KMT2C: variants seen among roughly 807,000 people sequenced by gnomAD.
The protein encoded by KMT2C is histone-lysine N-methyltransferase 2C.
KMT2C carries 88 observed loss-of-function variants against 507.9 expected under a neutral mutation model. That is an observed-to-expected ratio of 0.17 (90% CI 0.15 to 0.21). The LOEUF (loss-of-function observed/expected upper bound fraction) is 0.21. Among genes scored for constraint, KMT2C ranks in the 10% least tolerant of loss-of-function variants. The pLI, the probability that KMT2C is intolerant of heterozygous loss-of-function variation, is 1.00. For missense variants in KMT2C, 4,954 were observed against 5,957.8 expected (o/e 0.83, Z 5.55); for synonymous variants, 2,049 against 2,080.8 (o/e 0.98, Z 0.42).
chr7:152,367,939 A>G, intron 1 of KMT2C: 1 of 957,632 alleles, frequency 1.0e-6, no homozygotes, highest in Non-Finnish European at 1.7e-6. Context: ...GCCAAAGCAG[A>G]CACACTTATA....
chr7:152,226,716 A>G (rs1388790926), intron 18 of KMT2C, among the ~76,000 whole-genome samples: 2 of 152,224 alleles, frequency 1.3e-5, no homozygotes, highest in African/African-American at 4.8e-5. Flanking sequence ...ATTTCCAATA[A>G]AGGGCCAGAG....
intron 30 of KMT2C, 22 bp from the exon 31 acceptor site, chr7:152,194,150 G>T: frequency 1.3e-6 from 2 of 1,564,948 alleles, no homozygotes; most frequent in Non-Finnish European, 1.7e-6. Context: ...AACAATAATA[G>T]TAACAAGATT....
At chr7:152,150,581 T>G (rs1462287100) in intron 51 of KMT2C, among the ~76,000 whole-genome samples, 1 of 152,106 alleles carries the variant, frequency 6.6e-6, no homozygotes, top group Non-Finnish European at 1.5e-5. Flanking sequence ...GCCAATGCCC[T>G]TCAGCCTGTG....
chr7:152,186,883 T>C (rs1216687117), intron 33 of KMT2C, among the ~76,000 whole-genome samples: 2 of 152,048 alleles, frequency 1.3e-5, no homozygotes, highest in Admixed American at 6.5e-5. Context: ...GAAGACAATA[T>C]TGAATTCGTT....
chr7:152,202,861 A>G, intron 26 of KMT2C, 73 bp downstream of exon 26: 1 of 1,195,614 alleles, frequency 8.4e-7, no homozygotes, highest in Non-Finnish European at 1.2e-6. Flanking sequence ...CAACAAACCT[A>G]TGTTTTAAAA....
Position 152,155,926 on chromosome 7 carries a change from T to A in KMT2C, c.11944A>T (p.Asn3982Tyr). The A allele has an allele frequency of 6.3e-7, 1 of 1,596,590 alleles. No homozygotes were observed. Reference sequence around the variant, plus strand: ...AACCTGTACCTTAATTCTTCCTGATTGTTATGAGGTGGTGTTGGGAGGGAG... The same window carrying A: ...AACCTGTACCTTAATTCTTCCTGATAGTTATGAGGTGGTGTTGGGAGGGAG... ...PASLPTPPHNNQEELRIQDHC... is the reference protein window; with the variant it reads ...PASLPTPPHNYQEELRIQDHC... The change falls in exon 46 of 59, where the codon AAT becomes TAT. Residue 3982 changes from asparagine (N) to tyrosine (Y), a missense_variant. Asn to Tyr is a moderately radical substitution (Grantham distance 143, BLOSUM62 -2). Transcript: ENST00000262189.
intron 6 of KMT2C, among the ~76,000 whole-genome samples, chr7:152,307,195 G>GAGGAAGGGAGGAAGGAAGGA (rs2096623117): frequency 1.5e-5 from 1 of 64,882 alleles, no homozygotes; most frequent in South Asian, 6.5e-4. Flanking sequence ...AAAGAAGAGG[G>GAGGAAGGGAGGAAGGAAGGA]AGGAAGGAAG....
chr7:152,212,329 A>C (rs1479573749), intron 23 of KMT2C, among the ~76,000 whole-genome samples: 1 of 152,240 alleles, frequency 6.6e-6, no homozygotes, highest in East Asian at 1.9e-4. Context: ...CAAACCTACA[A>C]CAGGGAAAGA....
rs1421869327 is a variant in KMT2C at position 152,152,866 on chromosome 7, G to A, written c.12365C>T (p.Pro4122Leu). The change falls in exon 49 of 59, where the codon CCA becomes CTA. Residue 4122 changes from proline (P) to leucine (L), a missense_variant. Physicochemically the swap from Pro to Leu is moderately conservative, Grantham distance 98. Around this residue, in one of 29 missense-constraint regions of KMT2C, gnomAD observed 417 missense variants for 461.1 expected, o/e 0.90. Coordinates refer to ENST00000262189, the MANE Select transcript of KMT2C (RefSeq NM_170606.3). ...GTGGCTACTGACCAAACCCATGGAT[G>A]GGACATCTGGAGCACTGCTAACCTC... ...SYEVSSAPDV[P>L]SMGLVSSHRI... is the part of the protein sequence containing the mutation. The A allele has an allele frequency of 1.2e-6, 2 of 1,614,072 alleles. No individual in the cohort carries two copies. The highest frequency in any genetic ancestry group is 2.2e-5 in the East Asian group (1 of 44,900).
chr7:152,167,048 C>A (rs2092762278), intron 42 of KMT2C, 98 bp downstream of exon 42: 6 of 960,106 alleles, frequency 6.2e-6, no homozygotes, highest in Admixed American at 4.7e-5. Flanking sequence ...TAATACTAGT[C>A]AAAAAAAATC....
intron 1 of KMT2C, among the ~76,000 whole-genome samples, chr7:152,398,592 T>C (rs887831395): frequency 6.6e-6 from 1 of 150,798 alleles, no homozygotes; most frequent in South Asian, 2.1e-4. Flanking sequence ...TGTCACCCAG[T>C]GAAACACATG....
intron 31 of KMT2C, among the ~76,000 whole-genome samples, chr7:152,190,434 C>G (rs1167369775): frequency 1.3e-5 from 2 of 152,150 alleles, no homozygotes; most frequent in East Asian, 3.8e-4. Context: ...ATGCTAAGCA[C>G]TGTCTTAAAA....
At chr7:152,216,763 T>A (rs1168050409) in intron 23 of KMT2C, among the ~76,000 whole-genome samples, 1 of 152,174 alleles carries the variant, frequency 6.6e-6, no homozygotes, top group Non-Finnish European at 1.5e-5. Context: ...ACAGGCATAA[T>A]TTCTTACTAA....
At chr7:152,418,462 G>A (rs902617574) in intron 1 of KMT2C, among the ~76,000 whole-genome samples, 2 of 151,902 alleles carry the variant, frequency 1.3e-5, no homozygotes, top group African/African-American at 2.4e-5. Context: ...ACAGAGTCTC[G>A]CTCTGTCGCC....
rs746505360 is a variant in KMT2C, at chr7:152,177,540, G to A, written c.7913C>T (p.Ser2638Phe). 1.9e-6 allele frequency: 3 copies of A among 1,614,224 alleles called. No individual in the cohort carries two copies. Among genetic ancestry groups the A allele is most frequent in the Non-Finnish European group, 1.7e-6 (2 of 1,180,042 alleles). ...CATGACCATAGAAGATGAATGGACA[G>A]AATGACCTTGCTCTTGTTGAGATGG... ...VPPSQQEQGH[S>F]VHSSSMVMRT... The change falls in exon 38 of 59, where the codon TCT becomes TTT. Residue 2638 changes from serine (S) to phenylalanine (F), a missense_variant. This residue lies in a region of KMT2C where 1,689 missense variants were observed against 1,654.3 expected (regional missense o/e 1.02). Coordinates refer to ENST00000262189, the MANE Select transcript of KMT2C (RefSeq NM_170606.3).
At chr7:152,243,765 G>A (rs1352148536) in intron 14 of KMT2C, among the ~76,000 whole-genome samples, 2 of 152,050 alleles carry the variant, frequency 1.3e-5, no homozygotes, top group Admixed American at 6.6e-5. Context: ...CTGGGCAACA[G>A]AGCAAGACTC....
At position 152,151,444 on chromosome 7, in the gene KMT2C, T is replaced by C. The variant is rs1339162677; in HGVS notation, c.12664A>G (p.Lys4222Glu). 22 of 1,613,910 alleles carry C rather than the reference T, an allele frequency of 1.4e-5. No homozygotes were observed. Among genetic ancestry groups the C allele is most frequent in the Non-Finnish European group, 1.9e-5 (22 of 1,179,884 alleles). The stretch of plus-strand genomic sequence containing the variant: ...TCATAAAAGGAGTAGCAAAGTACCT[T>C]GTTCAAAAGGGTCAGATCTTTGAAA... ...KSFKDLTLLN[K>E]DSRESTKRVE... Residue 4222 changes from lysine (K) to glutamate (E), a missense_variant and splice_region_variant, in exon 50 of 59, where the codon AAG (lysine) becomes GAG (glutamate). Coordinates refer to ENST00000262189, the MANE Select transcript of KMT2C (RefSeq NM_170606.3).
At chr7:152,404,631 C>CAAA (rs68171347) in intron 1 of KMT2C, among the ~76,000 whole-genome samples, 1 of 66,176 alleles carries the variant, frequency 1.5e-5, no homozygotes, top group Non-Finnish European at 3.3e-5. Context: ...ACTCAGGTCT[C>CAAA]AAAAAAAAAA....
chr7:152,427,462 A>C (rs998051100), intron 1 of KMT2C, among the ~76,000 whole-genome samples: 1 of 152,198 alleles, frequency 6.6e-6, no homozygotes, highest in Non-Finnish European at 1.5e-5. Flanking sequence ...TCTCTAGTTC[A>C]ACAATGTATC....
Sources: gnomAD v4.1 joint callset for allele counts (sites outside exome capture counted in the v4.1 genomes callset) on GRCh38, gnomAD v4.1.1 for gene constraint, gnomAD v4.1.1 regional missense constraint, MANE v1.5 for transcripts, NCBI Gene and HGNC (gene_info 2026-07-23, HGNC 2026-07-21) for gene names.